The following PTTG1IP2 variants were observed in gnomAD, a reference collection of about 807,000 sequenced individuals.
The protein encoded by PTTG1IP2 is PTTG1IP family member 2.
At chr7:90,481,166 T>C (rs73217334) in intron 2 of PTTG1IP2, among the ~76,000 whole-genome samples, 3,079 of 152,282 alleles carry the variant, frequency 0.02, 43 homozygotes, top group Non-Finnish European at 0.03. Flanking sequence ...AACCACTACT[T>C]TAATGGCTTT....
intron 1 of PTTG1IP2, among the ~76,000 whole-genome samples, chr7:90,475,012 C>T (rs1443461155): frequency 2.0e-5 from 3 of 152,154 alleles, no homozygotes; most frequent in Non-Finnish European, 4.4e-5. Context: ...GGATCAGTGC[C>T]AGACGGTTTA....
intron 3 of PTTG1IP2, 73 bp downstream of exon 3, chr7:90,487,493 T>C (rs561800413): frequency 6.5e-6 from 1 of 152,760 alleles, no homozygotes; most frequent in Admixed American, 6.5e-5. Flanking sequence ...TTTGCTACAT[T>C]TGAAGGATTA....
At chr7:90,491,671 T>C (rs1429235953) in intron 4 of PTTG1IP2, among the ~76,000 whole-genome samples, 8 of 151,692 alleles carry the variant, frequency 5.3e-5, no homozygotes, top group Middle Eastern at 3.2e-3. Context: ...ATGGAGCTTA[T>C]AACTTACTAA....
chr7:90,508,956 A>G (rs1262606644), intron 6 of PTTG1IP2, among the ~76,000 whole-genome samples: 5 of 152,176 alleles, frequency 3.3e-5, no homozygotes, highest in Non-Finnish European at 5.9e-5. Context: ...GAGGTGAGCA[A>G]TCTGGCTTCA....
chr7:90,494,485 A>G (rs1797971608), intron 6 of PTTG1IP2, 55 bp downstream of exon 6: 1 of 152,208 alleles, frequency 6.6e-6, no homozygotes, highest in African/African-American at 2.4e-5. Context: ...TCTCCGTTCT[A>G]TTAAGCCACT....
chr7:90,506,352 A>G (rs1179860369), intron 6 of PTTG1IP2, among the ~76,000 whole-genome samples: 1 of 152,170 alleles, frequency 6.6e-6, no homozygotes, highest in African/African-American at 2.4e-5. Flanking sequence ...TATCTTAAGT[A>G]TTTTAATTAC....
intron 2 of PTTG1IP2, among the ~76,000 whole-genome samples, chr7:90,480,652 A>C (rs1205078894): frequency 6.6e-6 from 1 of 152,222 alleles, no homozygotes; most frequent in Non-Finnish European, 1.5e-5. Flanking sequence ...AAAGTTAACA[A>C]TATCATCTTA....
At chr7:90,505,811 C>T (rs1332210811) in intron 6 of PTTG1IP2, among the ~76,000 whole-genome samples, 2 of 151,570 alleles carry the variant, frequency 1.3e-5, no homozygotes, top group Admixed American at 6.6e-5. Flanking sequence ...GGTGAAACCC[C>T]GTCTCTACTA....
At chr7:90,479,205 G>A (rs1322547114) in intron 1 of PTTG1IP2, 23 bp from the exon 2 acceptor site, 1 of 152,512 alleles carries the variant, frequency 6.6e-6, no homozygotes, top group Non-Finnish European at 1.5e-5. Context: ...ATTAATTTTG[G>A]ACTTAATTTT....
chr7:90,486,681 A>G (rs1352052101), intron 2 of PTTG1IP2, among the ~76,000 whole-genome samples: 3 of 152,120 alleles, frequency 2.0e-5, no homozygotes, highest in Non-Finnish European at 4.4e-5. Flanking sequence ...ATCCCAAAGG[A>G]AAGAGTCGGG....
chr7:90,492,800 AG>A (rs1353956933), intron 5 of PTTG1IP2, among the ~76,000 whole-genome samples: 2 of 152,190 alleles, frequency 1.3e-5, no homozygotes, highest in East Asian at 3.8e-4. Context: ...CGTTGTCTTC[AG>A]GAATTCTTGC....
At chr7:90,507,233 C>T (rs1019788708) in intron 6 of PTTG1IP2, among the ~76,000 whole-genome samples, 12 of 152,092 alleles carry the variant, frequency 7.9e-5, no homozygotes, top group Admixed American at 6.5e-4. Context: ...CTGTGAAAAG[C>T]TATCTAAATA....
At chr7:90,495,815 G>A (rs1797985030) in intron 6 of PTTG1IP2, among the ~76,000 whole-genome samples, 1 of 152,160 alleles carries the variant, frequency 6.6e-6, no homozygotes. Context: ...AAAACCAAGG[G>A]TGCCCTAGGC....
intron 1 of PTTG1IP2, among the ~76,000 whole-genome samples, chr7:90,478,577 A>G (rs1797778625): frequency 6.6e-6 from 1 of 152,226 alleles, no homozygotes; most frequent in Admixed American, 6.5e-5. Context: ...TGTCCCCAAA[A>G]TAATAGAGAG....
At chr7:90,476,668 A>G (rs1204296475) in intron 1 of PTTG1IP2, among the ~76,000 whole-genome samples, 2 of 152,186 alleles carry the variant, frequency 1.3e-5, no homozygotes, top group Admixed American at 6.5e-5. Context: ...AGTAAAAGAA[A>G]TCATTAAGTC....
chr7:90,493,527 C>T (rs1336941175), intron 5 of PTTG1IP2, among the ~76,000 whole-genome samples: 4 of 152,156 alleles, frequency 2.6e-5, no homozygotes, highest in African/African-American at 9.7e-5. Context: ...CCAGGAAAAA[C>T]ACTGAAAAGA....
At chr7:90,501,323 G>T (rs1798058757) in intron 6 of PTTG1IP2, among the ~76,000 whole-genome samples, 1 of 152,102 alleles carries the variant, frequency 6.6e-6, no homozygotes, top group Non-Finnish European at 1.5e-5. Flanking sequence ...CTATACTGTA[G>T]TCTATTAAGT....
intron 2 of PTTG1IP2, among the ~76,000 whole-genome samples, chr7:90,482,790 T>TAGATAC (rs1180521122): frequency 6.6e-6 from 1 of 151,836 alleles, no homozygotes; most frequent in Non-Finnish European, 1.5e-5. Flanking sequence ...AAAATCAGAG[T>TAGATAC]AGATACTAGG....
intron 6 of PTTG1IP2, among the ~76,000 whole-genome samples, chr7:90,510,962 T>A (rs1208083627): frequency 2.0e-5 from 3 of 152,244 alleles, no homozygotes; most frequent in Admixed American, 1.3e-4. Flanking sequence ...CGTAATTTTG[T>A]TTTGCAGACA....
Sources: gnomAD v4.1 joint callset for allele counts (sites outside exome capture counted in the v4.1 genomes callset) on GRCh38, gnomAD v4.1.1 for gene constraint, MANE v1.5 for transcripts, NCBI Gene and HGNC (gene_info 2026-07-23, HGNC 2026-07-21) for gene names.